Variants in TEX9 observed in about 807,000 individuals in gnomAD.
The protein encoded by TEX9 is testis-expressed protein 9.
A neutral mutation model predicts 59.6 loss-of-function variants in TEX9; 74 were observed. The observed-to-expected ratio is 1.24, with a 90% CI of 1.03 to 1.51. The LOEUF (loss-of-function observed/expected upper bound fraction) is 1.51, where lower values mean the gene tolerates loss of function less well. TEX9 is among the 40% of genes most tolerant of loss of function. TEX9 has a pLI of 0.00. For synonymous variants in TEX9, 186 were observed against 152.2 expected (o/e 1.22, Z -1.64); for missense variants, 522 against 447.8 (o/e 1.17, Z -1.49).
intron 1 of TEX9, among the ~76,000 whole-genome samples, chr15:56,324,163 A>G (rs1419861280): frequency 1.4e-5 from 2 of 145,784 alleles, no homozygotes; most frequent in Non-Finnish European, 3.0e-5. Context: ...CTTTTAACTA[A>G]ATATCACTCT....
chr15:56,301,061 G>C (rs555350572), intron 1 of TEX9, among the ~76,000 whole-genome samples: 4 of 152,070 alleles, frequency 2.6e-5, no homozygotes, highest in Non-Finnish European at 4.4e-5. Flanking sequence ...GTGACCTTTC[G>C]GACAGAGAAT....
chr15:56,399,167 C>T (rs540361905), intron 9 of TEX9, among the ~76,000 whole-genome samples: 18 of 152,286 alleles, frequency 1.2e-4, no homozygotes, highest in South Asian at 6.2e-4. Context: ...TCGCCTTACC[C>T]GGGAAGTGCA....
At chr15:56,432,316 A>C (rs868449599) in intron 12 of TEX9, among the ~76,000 whole-genome samples, 21 of 152,328 alleles carry the variant, frequency 1.4e-4, no homozygotes, top group African/African-American at 5.1e-4. Context: ...TTATCCATTT[A>C]GGACAAATTC....
chr15:56,379,793 C>T (rs953335216), intron 3 of TEX9, among the ~76,000 whole-genome samples: 2 of 151,622 alleles, frequency 1.3e-5, no homozygotes, highest in African/African-American at 4.8e-5. Flanking sequence ...TATATAATGA[C>T]CTTCTTTGTC....
At position 56,428,424 on chromosome 15, in the gene TEX9, C is replaced by T. The variant is rs761132745; in HGVS notation, c.1156C>T (p.Leu386Phe). 9 of 1,611,602 alleles carry T rather than the reference C, an allele frequency of 5.6e-6. No individual in the cohort carries two copies. In the South Asian group the frequency reaches 6.6e-5, roughly 12 times the overall value. Reference sequence around the variant, plus strand: ...CACTGAGGAGGAATTTATGAAAGCACTTGAATGGGGAAATTCATAAGTGAT... The same window carrying T: ...CACTGAGGAGGAATTTATGAAAGCATTTGAATGGGGAAATTCATAAGTGAT... The change falls in exon 12 of 13, where the codon CTT becomes TTT. Residue 386 changes from leucine to phenylalanine, a missense_variant. Transcript: ENST00000352903.
chr15:56,345,401 G>T (rs558783978), intron 1 of TEX9, among the ~76,000 whole-genome samples: 1 of 152,234 alleles, frequency 6.6e-6, no homozygotes, highest in African/African-American at 2.4e-5. Context: ...TATGCCTAAA[G>T]AACTGTGTTG....
intron 1 of TEX9, among the ~76,000 whole-genome samples, chr15:56,349,989 T>C (rs1298247883): frequency 5.9e-5 from 9 of 152,138 alleles, no homozygotes; most frequent in African/African-American, 2.2e-4. Context: ...CCTCCCTTAC[T>C]GCCCTCTCCT....
At chr15:56,361,803 G>T (rs1040082652), upstream of TEX9, among the ~76,000 whole-genome samples, 1 of 152,224 alleles carries the variant, frequency 6.6e-6, no homozygotes, top group African/African-American at 2.4e-5. Context: ...GAGAGAGGTT[G>T]TAGTGATGCA....
the TEX9 span, among the ~76,000 whole-genome samples, chr15:56,458,274 G>A: frequency 6.6e-6 from 1 of 151,862 alleles, no homozygotes; most frequent in Non-Finnish European, 1.5e-5. Flanking sequence ...CCACTATCTA[G>A]TTCCAGAGCC....
chr15:56,286,814 A>T (rs190917924), intron 1 of TEX9, among the ~76,000 whole-genome samples: 1 of 152,290 alleles, frequency 6.6e-6, no homozygotes, highest in African/African-American at 2.4e-5. Context: ...TTTAGTTCTC[A>T]CATTTTCCCC....
chr15:56,427,013 G>A (rs2140283255), intron 10 of TEX9, among the ~76,000 whole-genome samples: 1 of 152,116 alleles, frequency 6.6e-6, no homozygotes, highest in South Asian at 2.1e-4. Context: ...AAGCATTTGA[G>A]GGAAATACGT....
Position 56,427,654 on chromosome 15 carries a change from A to G in TEX9, c.1013A>G (p.Asn338Ser). The G allele has an allele frequency of 6.4e-7, 1 of 1,551,378 alleles. No homozygotes were observed. ...AAAATTGAAGTGTTAAAATCAGAAA[A>G]CAAGAAGCTAGAAAAACAAAAAGGA... Residue 338 changes from asparagine to serine, a missense_variant, in exon 11 of 13, where the codon AAC becomes AGC. By Grantham distance (46) the Asn-to-Ser change is conservative. Transcript: ENST00000352903.
intron 12 of TEX9, among the ~76,000 whole-genome samples, chr15:56,430,645 G>A (rs567144348): frequency 2.6e-5 from 4 of 152,298 alleles, no homozygotes; most frequent in African/African-American, 7.2e-5. Flanking sequence ...GTTCAACCAT[G>A]TGCCTATTAC....
At chr15:56,364,150 C>G (rs1375801026), upstream of TEX9, among the ~76,000 whole-genome samples, 1 of 150,098 alleles carries the variant, frequency 6.7e-6, no homozygotes, top group East Asian at 1.9e-4. Flanking sequence ...ATTTTTTTTT[C>G]CTTTTTTTTG....
chr15:56,339,382 CCAAAAAAAAAAA>C (rs1199707762), intron 1 of TEX9, among the ~76,000 whole-genome samples: 1 of 2,828 alleles, frequency 3.5e-4, no homozygotes, highest in African/African-American at 1.1e-3. Context: ...GACTCCTTCT[CCAAAAAAAAAAA>C]AAAAAAAAAA....
At chr15:56,310,218 G>T (rs1339893737) in intron 1 of TEX9, among the ~76,000 whole-genome samples, 4 of 152,124 alleles carry the variant, frequency 2.6e-5, no homozygotes, top group Non-Finnish European at 5.9e-5. Flanking sequence ...GACCACCTGA[G>T]GTCAGGAGTT....
intron 9 of TEX9, among the ~76,000 whole-genome samples, chr15:56,411,609 A>G (rs905743452): frequency 6.6e-5 from 10 of 152,192 alleles, no homozygotes; most frequent in Admixed American, 2.0e-4. Context: ...GGAGAGATCC[A>G]GTTACTGCTG....
intron 1 of TEX9, among the ~76,000 whole-genome samples, chr15:56,281,552 C>T (rs150453882): frequency 2.2e-4 from 34 of 152,200 alleles, no homozygotes; most frequent in Non-Finnish European, 3.7e-4. Context: ...CCTCACCCCC[C>T]GCCCCACTCT....
chr15:56,426,119 A>G (rs1468375543), intron 10 of TEX9, among the ~76,000 whole-genome samples: 1 of 152,132 alleles, frequency 6.6e-6, no homozygotes, highest in African/African-American at 2.4e-5. Context: ...ATTCAGTGGT[A>G]CCAACCACCT....
Sources: allele counts gnomAD v4.1 joint callset (sites outside exome capture counted in the v4.1 genomes callset), GRCh38; gene constraint gnomAD v4.1.1; transcripts MANE v1.5; gene names NCBI Gene and HGNC (gene_info 2026-07-23, HGNC 2026-07-21).